The following FRMD6 variants were observed in gnomAD, a reference collection of about 807,000 sequenced individuals.
FRMD6 encodes the protein FERM domain-containing protein 6.
FRMD6 carries 37 observed loss-of-function variants against 73.2 expected under a neutral mutation model. The ratio of observed to expected loss-of-function variants is 0.51; its 90% CI spans 0.39 to 0.66. FRMD6 has a LOEUF of 0.66. Among genes scored for constraint, FRMD6 ranks in the 30% least tolerant of loss-of-function variants. The pLI is 0.00. For missense variants in FRMD6, 714 were observed against 780.5 expected, an observed-to-expected ratio of 0.91 and a Z score of 1.02; for synonymous variants, 273 against 282.2, an observed-to-expected ratio of 0.97 and a Z score of 0.33.
intron 1 of FRMD6, among the ~76,000 whole-genome samples, chr14:51,569,092 G>A (rs961219443): frequency 3.3e-5 from 5 of 151,766 alleles, no homozygotes; most frequent in East Asian, 1.9e-4. Context: ...GTGATCCCCC[G>A]ACCTCTGCCA....
chr14:51,557,681 CA>C lies in FRMD6; in HGVS notation c.-209-12663del. On this transcript the variant is annotated intron_variant, in intron 1 of 14. Coordinates refer to the FRMD6 transcript ENST00000356218. ...GATTTTAAATGTTCTCATCACAAAA[CA>C]AAATAAATATGTGAGGTAATAGATA... is the stretch of plus-strand genomic sequence containing the variant. Among the ~76,000 whole-genome samples the C allele has an allele frequency of 1.3e-5, 2 of 152,074 alleles. 1 individual carries two copies. The highest frequency in any genetic ancestry group is 4.2e-4 in the South Asian group (2 of 4,814).
intron 1 of FRMD6, among the ~76,000 whole-genome samples, chr14:51,569,964 C>CCT (rs1566820239): frequency 2.0e-5 from 3 of 151,888 alleles, no homozygotes; most frequent in Non-Finnish European, 4.4e-5. Context: ...TACAGGTGTG[C>CCT]GCCACCACAC....
At chr14:51,496,768 G>A (rs1487719949) in intron 1 of FRMD6, among the ~76,000 whole-genome samples, 1 of 152,130 alleles carries the variant, frequency 6.6e-6, no homozygotes, top group African/African-American at 2.4e-5. Context: ...ATAATTATTT[G>A]CATTCTTCCC....
At chr14:51,692,266 C>A (rs1290919953) in intron 2 of FRMD6, among the ~76,000 whole-genome samples, 3 of 152,064 alleles carry the variant, frequency 2.0e-5, no homozygotes, top group Admixed American at 6.5e-5. Context: ...GAATAAAAAT[C>A]GACAATGTGT....
the FRMD6 span, among the ~76,000 whole-genome samples, chr14:51,460,266 G>A: frequency 1.3e-5 from 2 of 152,142 alleles, no homozygotes; most frequent in Non-Finnish European, 2.9e-5. Flanking sequence ...ACCACGAGAG[G>A]GAACTGTTGG....
At chr14:51,480,060 G>A in the FRMD6 span, among the ~76,000 whole-genome samples, 93,120 of 152,000 alleles carry the variant, frequency 0.61, 28,913 homozygotes, top group East Asian at 0.86. Context: ...GTTTGGAAGG[G>A]GTGGATCACT....
intron 2 of FRMD6, among the ~76,000 whole-genome samples, chr14:51,621,891 A>G (rs1437947880): frequency 2.0e-5 from 3 of 152,236 alleles, no homozygotes; most frequent in Non-Finnish European, 4.4e-5. Flanking sequence ...GTGGTCACAG[A>G]GGGGACCAGC....
At chr14:51,412,993 T>A in the FRMD6 span, among the ~76,000 whole-genome samples, 16 of 99,692 alleles carry the variant, frequency 1.6e-4, no homozygotes, top group African/African-American at 5.5e-4. Flanking sequence ...TAGTTAAATT[T>A]TTTTTTTTTT....
chr14:51,447,274 C>G, the FRMD6 span, among the ~76,000 whole-genome samples: 1 of 152,074 alleles, frequency 6.6e-6, no homozygotes, highest in African/African-American at 2.4e-5. Context: ...GCTTAGAATT[C>G]TACTAGGTCC....
the FRMD6 span, among the ~76,000 whole-genome samples, chr14:51,406,833 C>T: frequency 1.3e-5 from 2 of 152,038 alleles, no homozygotes; most frequent in African/African-American, 2.4e-5. Flanking sequence ...CTATGAAGGC[C>T]TTGTGCATCT....
intron 2 of FRMD6, among the ~76,000 whole-genome samples, chr14:51,644,582 T>G (rs936227574): frequency 6.6e-6 from 1 of 152,184 alleles, no homozygotes; most frequent in African/African-American, 2.4e-5. Context: ...ATAAATCAGA[T>G]AGTAAAATGT....
chr14:51,535,459 A>G (rs1017346342), intron 1 of FRMD6, among the ~76,000 whole-genome samples: 10 of 152,316 alleles, frequency 6.6e-5, no homozygotes, highest in African/African-American at 2.2e-4. Context: ...AGATTTGCCT[A>G]TTATGGACAT....
chr14:51,414,691 G>A, the FRMD6 span, among the ~76,000 whole-genome samples: 1 of 152,268 alleles, frequency 6.6e-6, no homozygotes, highest in East Asian at 1.9e-4. Context: ...ATTCTGTGAA[G>A]AAAGTCATTG....
the FRMD6 span, among the ~76,000 whole-genome samples, chr14:51,447,856 T>C: frequency 1.3e-4 from 20 of 152,222 alleles, 1 homozygote; most frequent in African/African-American, 2.4e-5. Context: ...ACCTTACTTA[T>C]AACTTTAAAT....
At chr14:51,477,826 G>C in the FRMD6 span, among the ~76,000 whole-genome samples, 6 of 149,600 alleles carry the variant, frequency 4.0e-5, no homozygotes, top group African/African-American at 1.5e-4. Flanking sequence ...AGCAACCTCT[G>C]TCCCTGGGGT....
At chr14:51,460,725 T>C in the FRMD6 span, among the ~76,000 whole-genome samples, 1 of 152,206 alleles carries the variant, frequency 6.6e-6, no homozygotes, top group African/African-American at 2.4e-5. Flanking sequence ...TTCCTGTACA[T>C]GTTCTCAACT....
intron 2 of FRMD6, among the ~76,000 whole-genome samples, chr14:51,640,099 C>T (rs1463458955): frequency 6.6e-6 from 1 of 152,156 alleles, no homozygotes; most frequent in Non-Finnish European, 1.5e-5. Flanking sequence ...TTAATAATTA[C>T]AGTTTTAGTT....
intron 13 of FRMD6, 149 bp from the exon 14 acceptor site, chr14:51,727,596 C>T (rs1210700073): frequency 7.6e-6 from 5 of 657,202 alleles, no homozygotes; most frequent in Non-Finnish European, 1.3e-5. Context: ...GATATATTTC[C>T]CCATACAGCC....
intron 1 of FRMD6, among the ~76,000 whole-genome samples, chr14:51,679,955 G>C (rs1421463686): frequency 6.6e-6 from 1 of 152,176 alleles, no homozygotes; most frequent in African/African-American, 2.4e-5. Context: ...AGAAAATAAT[G>C]CCAAAGAAGA....
Sources: allele counts gnomAD v4.1 joint callset (sites outside exome capture counted in the v4.1 genomes callset), GRCh38; gene constraint gnomAD v4.1.1; transcripts MANE v1.5; gene names NCBI Gene and HGNC (gene_info 2026-07-23, HGNC 2026-07-21).